ERCC6: variants seen among roughly 807,000 people sequenced by gnomAD.
ERCC6 encodes DNA excision repair protein ERCC-6.
A neutral mutation model predicts 158.7 loss-of-function variants in ERCC6; 116 were observed. The ratio of observed to expected loss-of-function variants is 0.73; its 90% CI spans 0.63 to 0.85. The LOEUF is 0.85. Among genes scored for constraint, ERCC6 ranks in the 40% least tolerant of loss-of-function variants. The pLI is 0.00. For missense variants in ERCC6, 1,698 were observed against 1,799.4 expected (o/e 0.94, Z 1.02); for synonymous variants, 678 against 659.3 (o/e 1.03, Z -0.43).
intron 5 of ERCC6, among the ~76,000 whole-genome samples, chr10:49,521,248 C>T (rs899893644): frequency 1.3e-5 from 2 of 152,212 alleles, no homozygotes; most frequent in African/African-American, 4.8e-5. Flanking sequence ...TGGGGACAAG[C>T]GACCTGATCT....
intron 7 of ERCC6, among the ~76,000 whole-genome samples, chr10:49,497,361 A>G (rs757913740): frequency 5.3e-5 from 8 of 152,270 alleles, no homozygotes; most frequent in Non-Finnish European, 8.8e-5. Flanking sequence ...TTTTTACAAC[A>G]AACTCACATT....
At chr10:49,503,865 C>T (rs888007056) in intron 6 of ERCC6, 11 of 152,066 alleles carry the variant, frequency 7.2e-5, no homozygotes, top group African/African-American at 1.9e-4. Flanking sequence ...AATGTGACCA[C>T]AAATAATTGG....
chr10:49,475,458 T>G, intron 12 of ERCC6: 1 of 446,870 alleles, frequency 2.2e-6, no homozygotes. Flanking sequence ...TAAGGGGAGA[T>G]TCATGGAGAT....
At chr10:49,537,498 T>TAC (rs1363434482) in intron 1 of ERCC6, among the ~76,000 whole-genome samples, 1 of 135,446 alleles carries the variant, frequency 7.4e-6, no homozygotes, top group Admixed American at 7.4e-5. Context: ...TATATATATA[T>TAC]ATATACACAT....
chr10:49,460,326 A>G, intron 20 of ERCC6, 47 bp downstream of exon 20: 1 of 1,334,592 alleles, frequency 7.5e-7, no homozygotes, highest in Non-Finnish European at 1.1e-6. Flanking sequence ...CACAGCATTC[A>G]ATCAAGCAAG....
rs749619397 is a variant in ERCC6, at chr10:49,482,826, G to T, written c.2030C>A (p.Pro677Gln). 1.9e-6 allele frequency: 3 copies of T among 1,613,878 alleles called. No individual in the cohort carries two copies. The African/African-American group carries it at 4.0e-5, about 22-fold the overall frequency. Residue 677 changes from proline to glutamine, a missense_variant, in exon 10 of 21, where the codon CCG becomes CAG. Physicochemically the swap from Pro to Gln is moderately conservative, Grantham distance 76. Transcript: ENST00000355832. ...CAGCTCTCGGAGGTTATTTTGCATCGGTGAGCCAGACAGAATGATCCGATG... is the reference window on the plus strand; with the variant it reads ...CAGCTCTCGGAGGTTATTTTGCATCTGTGAGCCAGACAGAATGATCCGATG... ...TPHRIILSGS[P>Q]MQNNLRELWS...
rs376525300 is a variant in ERCC6, at chr10:49,486,861, C to T, written c.1822-3345G>A. Among the ~76,000 whole-genome samples the T allele has an allele frequency of 7.9e-5, 12 of 152,174 alleles. No homozygotes were observed. In the East Asian group the frequency reaches 1.2e-3, roughly 15 times the overall value. ...AAAGAATGGATTCCAATCATTGTTA[C>T]AAGGCTAGCAAACCCTGTTTTCAAA... On this transcript the variant is annotated intron_variant, in intron 8 of 20. Transcript: ENST00000355832.
At chr10:49,523,878 C>G (rs990062457) in intron 5 of ERCC6, among the ~76,000 whole-genome samples, 155 bp downstream of exon 5, 3 of 151,814 alleles carry the variant, frequency 2.0e-5, no homozygotes, top group African/African-American at 7.3e-5. Flanking sequence ...AGGGGCCCCA[C>G]TGCTTCTAGC....
chr10:49,509,932 G>T (rs1041634539), intron 5 of ERCC6, among the ~76,000 whole-genome samples: 2 of 152,206 alleles, frequency 1.3e-5, no homozygotes, highest in Non-Finnish European at 2.9e-5. Flanking sequence ...CACTGGCTGT[G>T]TTTCTAGCTC....
chr10:49,450,956 C>A (rs1850412942), downstream of ERCC6, among the ~76,000 whole-genome samples: 1 of 151,972 alleles, frequency 6.6e-6, no homozygotes, highest in Admixed American at 6.6e-5. Flanking sequence ...GGACTACAGG[C>A]ACCCGCCACC....
chr10:49,459,519 T>A (rs1446127015), intron 20 of ERCC6, among the ~76,000 whole-genome samples: 1 of 152,014 alleles, frequency 6.6e-6, no homozygotes, highest in Non-Finnish European at 1.5e-5. Flanking sequence ...GAAGGCAGAG[T>A]GGAGGCTTCC....
At chr10:49,491,713 G>C (rs867570587) in intron 8 of ERCC6, among the ~76,000 whole-genome samples, 1 of 152,152 alleles carries the variant, frequency 6.6e-6, no homozygotes, top group Non-Finnish European at 1.5e-5. Context: ...TCCAGGTGAA[G>C]GTGTCCAATA....
At chr10:49,515,946 G>A in intron 5 of ERCC6, 2 of 1,614,080 alleles carry the variant, frequency 1.2e-6, no homozygotes, top group Non-Finnish European at 1.7e-6. Context: ...TTTCTTTAAA[G>A]CTACATCTGA....
rs768691970 is a variant in ERCC6 at position 49,472,359 on chromosome 10, C to T, written c.2924+17G>A. 2.5e-6 allele frequency: 4 copies of T among 1,609,754 alleles called. No homozygotes were observed. Among genetic ancestry groups the T allele is most frequent in the Non-Finnish European group, 3.4e-6 (4 of 1,176,352 alleles). ...TCTGGGAACGCACAGCCAAGAGTGG[C>T]CACTGTGTGCACTGACCGGTGGTAG... On this transcript the variant is annotated intron_variant, in intron 16 of 20. Coordinates refer to ENST00000355832, the MANE Select transcript of ERCC6 (RefSeq NM_000124.4).
chr10:49,516,613 T>C (rs1836974345), intron 5 of ERCC6: 2 of 1,614,184 alleles, frequency 1.2e-6, no homozygotes, highest in Non-Finnish European at 1.7e-6. Flanking sequence ...ACACCTTTAC[T>C]GCAAGCATAT....
chr10:49,521,587 C>T (rs762707884), intron 5 of ERCC6, among the ~76,000 whole-genome samples: 1 of 152,182 alleles, frequency 6.6e-6, no homozygotes, highest in Admixed American at 6.5e-5. Context: ...GACCATAGAA[C>T]CGACAGAACA....
chr10:49,505,792 G>A, intron 6 of ERCC6, 92 bp downstream of exon 6: 2 of 1,476,800 alleles, frequency 1.4e-6, no homozygotes, highest in African/African-American at 1.4e-5. Flanking sequence ...TACCTTCAGG[G>A]CCCACAGGTA....
rs1045189730 is a variant in ERCC6, at chr10:49,530,772, C to T, written c.491G>A (p.Ser164Asn). ...ATCTAGTTTCCTGTTGATGTCTCTG[C>T]TGGTGGCAGCTTGAGGGCTAAGCTG... Reference protein sequence around the residue: ...IEQLSPQAATSRDINRKLDSV... With the variant: ...IEQLSPQAATNRDINRKLDSV... Residue 164 changes from serine to asparagine, a missense_variant, in exon 3 of 21, where the codon AGC (serine) becomes AAC (asparagine). Physicochemically the swap from Ser to Asn is conservative, Grantham distance 46. Coordinates refer to ENST00000355832, the MANE Select transcript of ERCC6 (RefSeq NM_000124.4). 2.5e-6 allele frequency: 4 copies of T among 1,613,638 alleles called. No homozygotes were observed. The African/African-American group carries it at 5.3e-5, about 22-fold the overall frequency.
At chr10:49,499,958 G>T (rs1851329513) in intron 7 of ERCC6, among the ~76,000 whole-genome samples, 1 of 151,992 alleles carries the variant, frequency 6.6e-6, no homozygotes, top group Non-Finnish European at 1.5e-5. Context: ...GAAAACACAG[G>T]GATCAGACAA....
Sources: gnomAD v4.1 joint callset for allele counts (sites outside exome capture counted in the v4.1 genomes callset) on GRCh38, gnomAD v4.1.1 for gene constraint, MANE v1.5 for transcripts, NCBI Gene and HGNC (gene_info 2026-07-23, HGNC 2026-07-21) for gene names.